The following SLC16A6 variants were observed in gnomAD, a reference collection of about 807,000 sequenced individuals.
SLC16A6 encodes the protein solute carrier family 16 member 6, also known as monocarboxylate transporter 7.
SLC16A6 carries 15 observed loss-of-function variants against 33.8 expected under a neutral mutation model. The ratio of observed to expected loss-of-function variants is 0.44; its 90% CI spans 0.30 to 0.68. The LOEUF is 0.68. Among genes scored for constraint, SLC16A6 ranks in the 30% least tolerant of loss-of-function variants. SLC16A6 has a pLI of 0.10. For synonymous variants in SLC16A6, 219 were observed against 248.4 expected, an observed-to-expected ratio of 0.88 and a Z score of 1.11; for missense variants, 451 against 661.5, an observed-to-expected ratio of 0.68 and a Z score of 3.49.
At chr17:68,286,615 C>G (rs553001457) in intron 1 of SLC16A6, among the ~76,000 whole-genome samples, 2 of 152,182 alleles carry the variant, frequency 1.3e-5, no homozygotes, top group South Asian at 4.2e-4. Context: ...AGCGATTCTT[C>G]TGCCTCAGCC....
At position 68,269,042 on chromosome 17, in the gene SLC16A6, G is replaced by C. The variant is rs1269814413; in HGVS notation, c.*54C>G. 2 of 1,591,732 alleles carry C rather than the reference G, an allele frequency of 1.3e-6. No homozygotes were observed. The highest frequency in any genetic ancestry group is 2.7e-5 in the African/African-American group (2 of 73,542). ...CTCTGCCTCCTTGTGTCCCCGTTGG[G>C]CCCACCCCATCCCTCTCCAGCCAAC... On this transcript the variant is annotated 3_prime_UTR_variant, in exon 6 of 6. Transcript: ENST00000580666.
chr17:68,286,179 A>G (rs1599562743), intron 1 of SLC16A6, among the ~76,000 whole-genome samples: 1 of 152,220 alleles, frequency 6.6e-6, no homozygotes, highest in African/African-American at 2.4e-5. Context: ...CATCATGAGA[A>G]GGCTCTGTCT....
intron 1 of SLC16A6, among the ~76,000 whole-genome samples, chr17:68,282,356 G>T (rs186096865): frequency 0.016 from 2,415 of 151,894 alleles, 63 homozygotes; most frequent in African/African-American, 0.056. Context: ...CTGTCGTGGG[G>T]TTGGGGGAAG....
intron 1 of SLC16A6, among the ~76,000 whole-genome samples, chr17:68,290,589 G>A (rs2075952161): frequency 1.3e-5 from 2 of 152,368 alleles, no homozygotes; most frequent in Non-Finnish European, 2.9e-5. Context: ...GTGTTTGGGG[G>A]TCGGGGGAGG....
intron 1 of SLC16A6, among the ~76,000 whole-genome samples, chr17:68,289,940 A>G (rs1374709418): frequency 7.9e-5 from 12 of 152,200 alleles, no homozygotes; most frequent in African/African-American, 2.9e-4. Flanking sequence ...AGGGGTTTCT[A>G]TTATATCATC....
chr17:68,283,887 A>C (rs548326338), intron 1 of SLC16A6, among the ~76,000 whole-genome samples: 40 of 150,568 alleles, frequency 2.7e-4, no homozygotes, highest in African/African-American at 8.8e-4. Flanking sequence ...TCAAAAAAAA[A>C]AAAAAAAAAA....
chr17:68,287,943 C>T (rs1007712151), intron 1 of SLC16A6, among the ~76,000 whole-genome samples: 7 of 148,244 alleles, frequency 4.7e-5, no homozygotes, highest in Admixed American at 1.4e-4. Flanking sequence ...TTCTTCTCTT[C>T]TCTCTCTCTT....
intron 1 of SLC16A6, among the ~76,000 whole-genome samples, chr17:68,288,266 C>T (rs1357525278): frequency 1.1e-4 from 17 of 152,262 alleles, no homozygotes; most frequent in African/African-American, 4.1e-4. Context: ...TCCCAAAGTG[C>T]TGGGATTACA....
At chr17:68,282,350 C>T (rs1243821955) in intron 1 of SLC16A6, among the ~76,000 whole-genome samples, 8 of 148,328 alleles carry the variant, frequency 5.4e-5, no homozygotes, top group African/African-American at 1.5e-4. Context: ...CGGGGCCTGT[C>T]GTGGGGTTGG....
intron 1 of SLC16A6, among the ~76,000 whole-genome samples, chr17:68,280,999 A>G (rs1316505190): frequency 1.3e-5 from 2 of 151,840 alleles, no homozygotes; most frequent in African/African-American, 2.4e-5. Context: ...GGTGGCACAC[A>G]CCTGTAGTCC....
rs1555748824 is a variant in SLC16A6, at chr17:68,271,590, C to T, written c.570G>A (p.Gln190=). The change falls in exon 5 of 6, where the codon CAG becomes CAA. Residue 190 remains glutamine (Q), a synonymous_variant. Transcript: ENST00000580666. This position sits in a 1 kb window ranked among gnomAD's most constrained non-coding sequence, Gnocchi z 5.3. ...GTGCTCCGAAGATGACAATGTTTAA[C>T]TGTAGTAGGCCCACGAAGAGGAGGC... ...RYSLLFVGLL[Q]LNIVIFGALL... 1 of 1,614,152 alleles carries T rather than the reference C, an allele frequency of 6.2e-7. No homozygotes were observed. Among genetic ancestry groups the T allele is most frequent in the Non-Finnish European group, 8.5e-7 (1 of 1,180,006 alleles).
intron 1 of SLC16A6, among the ~76,000 whole-genome samples, chr17:68,288,158 G>A (rs1322239099): frequency 1.3e-5 from 2 of 150,382 alleles, no homozygotes; most frequent in Non-Finnish European, 1.5e-5. Flanking sequence ...CACCACGCCC[G>A]GCTGATTTTT....
Position 68,271,579 on chromosome 17 carries a change from A to C in SLC16A6, c.581T>G (p.Val194Gly), listed in dbSNP as rs367677855. Residue 194 changes from valine to glycine, a missense_variant, in exon 5 of 6, where the codon GTC (valine) becomes GGC (glycine). By Grantham distance (109) the Val-to-Gly change is moderately radical. Around this residue, in one of 2 missense-constraint regions of SLC16A6, gnomAD observed 405 missense variants for 510.7 expected, o/e 0.79. Coordinates refer to ENST00000580666, the MANE Select transcript of SLC16A6 (RefSeq NM_004694.5). The surrounding 1 kb of genome is among the most constrained non-coding windows in gnomAD (Gnocchi z 5.3). The part of the protein sequence containing the change: ...LFVGLLQLNI[V>G]IFGALLRPIF... ...GGGTCTGAGCAGTGCTCCGAAGATGACAATGTTTAACTGTAGTAGGCCCAC... is the reference window on the plus strand; with the variant it reads ...GGGTCTGAGCAGTGCTCCGAAGATGCCAATGTTTAACTGTAGTAGGCCCAC... 2.0e-4 allele frequency: 321 copies of C among 1,614,096 alleles called. No individual in the cohort carries two copies. Among genetic ancestry groups the C allele is most frequent in the Non-Finnish European group, 2.7e-4 (313 of 1,180,038 alleles).
At position 68,273,956 on chromosome 17, in the gene SLC16A6, T is replaced by C. The variant is rs1555750002; in HGVS notation, c.347A>G (p.His116Arg). ...GATGATGCCGATGGCGACGTACATA[T>C]GAGAAACCTCTTGTGAGAAGGAGGC... is the stretch of plus-strand genomic sequence containing the variant. ...VAASFSQEVS[H>R]MYVAIGIISG... Residue 116 changes from histidine to arginine, a missense_variant, in exon 3 of 6, where the codon CAT becomes CGT. His to Arg is a conservative substitution (Grantham distance 29). This residue lies in a region of SLC16A6 where 405 missense variants were observed against 510.7 expected (regional missense o/e 0.79). Coordinates refer to ENST00000580666, the MANE Select transcript of SLC16A6 (RefSeq NM_004694.5). 1.9e-6 allele frequency: 3 copies of C among 1,613,968 alleles called. No individual in the cohort carries two copies. Among genetic ancestry groups the C allele is most frequent in the South Asian group, 1.1e-5 (1 of 91,092 alleles).
chr17:68,278,572 C>G (rs944778895), intron 1 of SLC16A6, among the ~76,000 whole-genome samples: 2 of 151,404 alleles, frequency 1.3e-5, no homozygotes, highest in South Asian at 4.2e-4. Flanking sequence ...GTAGCTGGGA[C>G]TACAGGCATG....
upstream of SLC16A6, chr17:68,291,389 A>G (rs1292185642): frequency 6.9e-6 from 1 of 145,462 alleles, no homozygotes; most frequent in Non-Finnish European, 1.5e-5. Context: ...CTCTTATCCT[A>G]TACCGGCTGC....
chr17:68,287,013 C>T (rs1391818714), intron 1 of SLC16A6, among the ~76,000 whole-genome samples: 4 of 151,944 alleles, frequency 2.6e-5, no homozygotes, highest in South Asian at 2.1e-4. Context: ...GATGGAGTTT[C>T]GCTCTTGTTG....
rs567468662 is a variant in SLC16A6 at position 68,282,506 on chromosome 17, A to G, written c.-7-4179T>C. On this transcript the variant is annotated intron_variant, in intron 1 of 5. Coordinates refer to ENST00000580666, the MANE Select transcript of SLC16A6 (RefSeq NM_004694.5). ...ACCCTAGAACTTAAAAAAAAAAAAA[A>G]CTACACATAGGACCAGGCGCAGTGG... Among the ~76,000 whole-genome samples the G allele has an allele frequency of 4.3e-3, 635 of 147,350 alleles. 5 individuals carry two copies. Among genetic ancestry groups the G allele is most frequent in the African/African-American group, 0.015 (597 of 39,340 alleles).
intron 3 of SLC16A6, 75 bp from the exon 4 acceptor site, chr17:68,272,842 G>T: frequency 6.3e-7 from 1 of 1,574,802 alleles, no homozygotes; most frequent in South Asian, 1.2e-5. Context: ...TAAAAGATCT[G>T]GGATTTTTGG....
Sources: gnomAD v4.1 joint callset for allele counts (sites outside exome capture counted in the v4.1 genomes callset) on GRCh38, gnomAD v4.1.1 for gene constraint, gnomAD v4.1.1 regional missense constraint, Gnocchi (gnomAD v3.1) non-coding constraint, MANE v1.5 for transcripts, NCBI Gene and HGNC (gene_info 2026-07-23, HGNC 2026-07-21) for gene names.